FAF1: variants seen among roughly 807,000 people sequenced by gnomAD.
The protein encoded by FAF1 is FAS-associated factor 1.
A neutral mutation model predicts 92.5 loss-of-function variants in FAF1; 25 were observed. That is an observed-to-expected ratio of 0.27 (90% CI 0.20 to 0.38). The LOEUF (loss-of-function observed/expected upper bound fraction) is 0.38. Among genes scored for constraint, FAF1 ranks in the 10% least tolerant of loss-of-function variants. The pLI, the probability that FAF1 is intolerant of heterozygous loss-of-function variation, is 1.00. For synonymous variants in FAF1, 234 were observed against 273.2 expected, an observed-to-expected ratio of 0.86 and a Z score of 1.42; for missense variants, 636 against 793.3, an observed-to-expected ratio of 0.80 and a Z score of 2.38.
At chr1:50,592,216 A>G (rs941902411) in intron 9 of FAF1, among the ~76,000 whole-genome samples, 1 of 150,436 alleles carries the variant, frequency 6.6e-6, no homozygotes. Flanking sequence ...TGAGCATTCA[A>G]TAAATGTTTC....
Position 50,583,683 on chromosome 1 carries a change from A to C in FAF1, c.1000T>G (p.Leu334Val). ...GAAAACTCTGCTGTAAATTGTAATA[A>C]GGCATCTCCTTCATTTTCTGCGTTT... ...PENAENEGDA[L>V]LQFTAEFSSR... is the part of the protein sequence containing the mutation. The change falls in exon 11 of 19, where the codon TTA becomes GTA. Residue 334 changes from leucine (L) to valine (V), a missense_variant. Leu to Val is a conservative substitution (Grantham distance 32, BLOSUM62 1). Around this residue, in one of 2 missense-constraint regions of FAF1, gnomAD observed 319 missense variants for 451.0 expected, o/e 0.71. Coordinates refer to ENST00000396153, the MANE Select transcript of FAF1 (RefSeq NM_007051.3). The surrounding 1 kb of genome is among the most constrained non-coding windows in gnomAD (Gnocchi z 4.2). 1.3e-6 allele frequency: 2 copies of C among 1,580,376 alleles called. No homozygotes were observed. The highest frequency in any genetic ancestry group is 1.7e-6 in the Non-Finnish European group (2 of 1,160,388).
At chr1:50,764,640 C>T (rs920373407) in intron 4 of FAF1, among the ~76,000 whole-genome samples, 3 of 152,174 alleles carry the variant, frequency 2.0e-5, no homozygotes, top group East Asian at 3.8e-4. Flanking sequence ...CATAGGCCTA[C>T]GCTGCCTAAT....
intron 1 of FAF1, among the ~76,000 whole-genome samples, chr1:50,873,840 T>C (rs1436134709): frequency 2.0e-5 from 3 of 152,312 alleles, no homozygotes; most frequent in African/African-American, 7.2e-5. Flanking sequence ...CTTGAATTCT[T>C]TTCTGTGCAA....
chr1:50,749,629 T>A lies in FAF1; in HGVS notation c.368-4854A>T, dbSNP rs547661285. Among the ~76,000 whole-genome samples, 12 of 152,156 alleles carry A rather than the reference T, an allele frequency of 7.9e-5. No individual in the cohort carries two copies. In the South Asian group the frequency reaches 1.9e-3, roughly 24 times the overall value. On this transcript the variant is annotated intron_variant, in intron 4 of 18. Transcript: ENST00000396153. ...AGCAAGACACCACCACTGCAAAAAA[T>A]TTTTAATAATTAGCTAGGCATGGTG...
At chr1:50,864,729 T>C (rs1644465766) in intron 1 of FAF1, among the ~76,000 whole-genome samples, 1 of 152,064 alleles carries the variant, frequency 6.6e-6, no homozygotes, top group African/African-American at 2.4e-5. Flanking sequence ...TCTAAAACCA[T>C]AAAAACCCTA....
intron 4 of FAF1, among the ~76,000 whole-genome samples, chr1:50,745,545 G>T (rs1014127918): frequency 2.6e-5 from 4 of 152,054 alleles, no homozygotes; most frequent in African/African-American, 9.7e-5. Context: ...TGCTGTTCTT[G>T]TGGTAGGGTT....
At chr1:50,885,298 TCTCTCTCTCTCTCTCACACACACACA>T (rs1398983062) in intron 1 of FAF1, among the ~76,000 whole-genome samples, 119 of 129,046 alleles carry the variant, frequency 9.2e-4, no homozygotes, top group African/African-American at 3.7e-3. Flanking sequence ...TGTCTCTTTC[TCTCTCTCTCTCTCTCACACACACACA>T]CTCTCTCTCT....
intron 15 of FAF1, among the ~76,000 whole-genome samples, chr1:50,516,989 T>C (rs576333214): frequency 5.9e-5 from 9 of 152,348 alleles, no homozygotes; most frequent in Non-Finnish European, 1.0e-4. Context: ...GTATTCTTTG[T>C]ATTTACATAT....
At chr1:50,669,782 G>A (rs1209912505) in intron 7 of FAF1, among the ~76,000 whole-genome samples, 1 of 152,180 alleles carries the variant, frequency 6.6e-6, no homozygotes, top group Non-Finnish European at 1.5e-5. Context: ...AACCACATAT[G>A]GCTACTGAGC....
In FAF1 at chr1:50,557,905, A is replaced by G. The variant is rs1649666030; in HGVS notation, c.1268+9172T>C. On this transcript the variant is annotated intron_variant, in intron 13 of 18. Transcript: ENST00000396153. ...ATTTAAGATATTTCACTTTATAAAT[A>G]TCTTATTTATTTATTTATTTATTTA... 3.0e-5 allele frequency among the ~76,000 whole-genome samples: 4 copies of G among 134,860 alleles called. No homozygotes were observed. The South Asian group carries it at 9.7e-4, about 33-fold the overall frequency. The allele number at this position is 134,860 out of a possible 152,430, so 88.5% of individuals were successfully genotyped here. A position where few individuals can be genotyped will look rare whatever the true frequency, so the allele number is the denominator to read the frequency against.
chr1:50,697,787 T>TAA (rs201261803), intron 7 of FAF1, among the ~76,000 whole-genome samples: 1 of 151,132 alleles, frequency 6.6e-6, no homozygotes, highest in East Asian at 1.9e-4. Flanking sequence ...CTTTTTTCTC[T>TAA]AAAAAAAAAG....
chr1:50,705,182 A>G (rs1657622469), intron 7 of FAF1, among the ~76,000 whole-genome samples: 1 of 152,190 alleles, frequency 6.6e-6, no homozygotes, highest in South Asian at 2.1e-4. Context: ...CTGGGGCCCA[A>G]GGCATACCAA....
At chr1:50,472,368 T>TACACAC (rs71850142) in intron 18 of FAF1, among the ~76,000 whole-genome samples, 4,516 of 123,868 alleles carry the variant, frequency 0.036, 167 homozygotes, top group Admixed American at 0.08. Context: ...GGGGAAAACA[T>TACACAC]ACACACACAC....
intron 18 of FAF1, among the ~76,000 whole-genome samples, chr1:50,446,946 GCAGAACCAGAACC>G (rs1390084142): frequency 6.6e-6 from 1 of 151,880 alleles, no homozygotes; most frequent in Non-Finnish European, 1.5e-5. Context: ...AGTGGTAGAG[GCAGAACCAGAACC>G]CAGGCCTTCT....
At chr1:50,846,162 G>A (rs867042815) in intron 2 of FAF1, among the ~76,000 whole-genome samples, 3 of 151,486 alleles carry the variant, frequency 2.0e-5, no homozygotes, top group Non-Finnish European at 4.4e-5. Context: ...AGGGAGACTC[G>A]TTTCCAGGCA....
intron 8 of FAF1, among the ~76,000 whole-genome samples, chr1:50,621,395 T>C (rs895761498): frequency 1.1e-4 from 13 of 121,970 alleles, no homozygotes; most frequent in South Asian, 5.7e-4. Flanking sequence ...TTTTTTCTTT[T>C]TTTTTTTTTT....
intron 8 of FAF1, among the ~76,000 whole-genome samples, chr1:50,628,609 A>T (rs2124200065): frequency 6.6e-6 from 1 of 152,342 alleles, no homozygotes; most frequent in East Asian, 1.9e-4. Context: ...TTGGATGTCA[A>T]AAGCTTAAAA....
At chr1:50,676,954 A>C (rs972907659) in intron 7 of FAF1, among the ~76,000 whole-genome samples, 3 of 152,216 alleles carry the variant, frequency 2.0e-5, no homozygotes, top group African/African-American at 7.2e-5. Flanking sequence ...GATATACATG[A>C]AAAAGGGCAA....
At chr1:50,682,223 G>A (rs957944524) in intron 7 of FAF1, among the ~76,000 whole-genome samples, 1 of 152,080 alleles carries the variant, frequency 6.6e-6, no homozygotes, top group Admixed American at 6.5e-5. Flanking sequence ...CTGTGAGGCT[G>A]GGTGCAGTCC....
Sources: gnomAD v4.1 joint callset for allele counts (sites outside exome capture counted in the v4.1 genomes callset) on GRCh38, gnomAD v4.1.1 for gene constraint, gnomAD v4.1.1 regional missense constraint, Gnocchi (gnomAD v3.1) non-coding constraint, MANE v1.5 for transcripts, NCBI Gene and HGNC (gene_info 2026-07-23, HGNC 2026-07-21) for gene names.